VWA3A: variants seen among roughly 807,000 people sequenced by gnomAD.
VWA3A encodes the protein von Willebrand factor A domain-containing protein 3A.
Under a neutral mutation model 160.4 loss-of-function variants are expected in VWA3A, and 134 were observed. The observed-to-expected ratio is 0.84, with a 90% CI of 0.73 to 0.96. The LOEUF (loss-of-function observed/expected upper bound fraction) is 0.96. VWA3A is among the 40% of genes least tolerant of loss of function. The pLI, the probability that VWA3A is intolerant of heterozygous loss-of-function variation, is 0.00. For missense variants in VWA3A, 1,310 were observed against 1,447.9 expected (o/e 0.90, Z 1.55); for synonymous variants, 476 against 543.4 (o/e 0.88, Z 1.72).
chr16:22,146,333 G>A lies in VWA3A; in HGVS notation c.2828G>A (p.Trp943Ter). The change falls in exon 27 of 34, where the codon TGG (tryptophan) becomes TAG (stop). Residue 943 changes from tryptophan to a stop codon, truncating the protein, a stop_gained. Coordinates refer to ENST00000389398, the MANE Select transcript of VWA3A (RefSeq NM_173615.5). LOFTEE classifies it high-confidence loss of function. ...AGGCGCTATGTCCAGAGGCTGCAGT[G>A]GCTGCTGTCCGGTGAGCCTGCCCAC... is the stretch of plus-strand genomic sequence containing the variant. Reference protein sequence around the residue: ...VLRRYVQRLQWLLSGSRRLFG... With the variant: ...VLRRYVQRLQ 1 of 1,613,114 alleles carries A rather than the reference G, an allele frequency of 6.2e-7. No individual in the cohort carries two copies. The highest frequency in any genetic ancestry group is 2.2e-5 in the East Asian group (1 of 44,864).
intron 3 of VWA3A, among the ~76,000 whole-genome samples, chr16:22,098,734 G>C (rs751539964): frequency 1.1e-4 from 17 of 151,954 alleles, no homozygotes; most frequent in Non-Finnish European, 2.5e-4. Flanking sequence ...CCTAAAACAT[G>C]ACATCATTTG....
chr16:22,136,875 ACACACACACACACACACACG>A (rs1337042161), intron 21 of VWA3A, among the ~76,000 whole-genome samples: 1 of 104,368 alleles, frequency 9.6e-6, no homozygotes, highest in Non-Finnish European at 1.7e-5. Context: ...TACTAAAAAT[ACACACACACACACACACACG>A]CACACACACA....
At chr16:22,143,814 C>T (rs558698688) in intron 25 of VWA3A, among the ~76,000 whole-genome samples, 3 of 150,416 alleles carry the variant, frequency 2.0e-5, no homozygotes, top group Non-Finnish European at 4.4e-5. Flanking sequence ...GTAGCACTAT[C>T]ACTGCAACCT....
intron 17 of VWA3A, among the ~76,000 whole-genome samples, chr16:22,126,966 A>G (rs1445845568): frequency 6.7e-6 from 1 of 149,968 alleles, no homozygotes; most frequent in Admixed American, 6.7e-5. Flanking sequence ...AGAGGTTTTG[A>G]AGATTTGAAC....
Position 22,097,691 on chromosome 16 carries a change from T to TA in VWA3A, c.222dup (p.Leu75ThrfsTer7), listed in dbSNP as rs2045347629. On this transcript the variant is annotated frameshift_variant, in exon 3 of 34. Coordinates refer to ENST00000389398, the MANE Select transcript of VWA3A (RefSeq NM_173615.5). LOFTEE classifies it high-confidence loss of function. ...ACACATGTTAACCAGACACAGGACT[T>TA]ACTGGTAAAGACCATGGCACTTTAA... 4.5e-6 allele frequency: 7 copies of TA among 1,551,482 alleles called. No individual in the cohort carries two copies. Among genetic ancestry groups the TA allele is most frequent in the Non-Finnish European group, 5.2e-6 (6 of 1,146,930 alleles).
chr16:22,124,213 C>G (rs1359068771), intron 16 of VWA3A, among the ~76,000 whole-genome samples: 1 of 115,720 alleles, frequency 8.6e-6, no homozygotes, highest in East Asian at 3.4e-4. Flanking sequence ...AAAAAAAAAT[C>G]ACACCTCCTC....
chr16:22,142,576 C>A, intron 24 of VWA3A, 92 bp from the exon 25 acceptor site: 1 of 930,398 alleles, frequency 1.1e-6, no homozygotes, highest in South Asian at 1.4e-5. Context: ...TCCCATTAAG[C>A]CCCATCTCCA....
chr16:22,147,619 G>A, intron 27 of VWA3A: 3 of 703,258 alleles, frequency 4.3e-6, no homozygotes, highest in South Asian at 1.5e-5. Context: ...ATGGACAGGG[G>A]CGTCATGATG....
At chr16:22,110,848 C>T in intron 7 of VWA3A, 40 bp from the exon 8 acceptor site, 1 of 1,557,882 alleles carries the variant, frequency 6.4e-7, no homozygotes, top group Non-Finnish European at 8.7e-7. Context: ...CTCCCGATTC[C>T]CCTGGCTGTG....
At chr16:22,123,319 C>G (rs1053045915) in intron 15 of VWA3A, among the ~76,000 whole-genome samples, 154 bp downstream of exon 15, 5 of 151,766 alleles carry the variant, frequency 3.3e-5, no homozygotes, top group African/African-American at 1.2e-4. Context: ...GAAGCTTTGG[C>G]CATCTCCTCC....
chr16:22,132,735 T>G, intron 19 of VWA3A, 165 bp from the exon 20 acceptor site: 4 of 652,566 alleles, frequency 6.1e-6, no homozygotes, highest in South Asian at 2.2e-5. Context: ...TGTTAAAATA[T>G]TGAGAGAAAC....
chr16:22,140,553 C>T (rs1240789737), intron 23 of VWA3A, among the ~76,000 whole-genome samples: 1 of 151,666 alleles, frequency 6.6e-6, no homozygotes, highest in Non-Finnish European at 1.5e-5. Context: ...CTGCAGTGAG[C>T]TATCATTGCA....
rs563709593 is a variant in VWA3A, at chr16:22,109,336, T to C, written c.484-146T>C. 11 of 670,652 alleles carry C rather than the reference T, an allele frequency of 1.6e-5. No homozygotes were observed. In the South Asian group the frequency reaches 2.0e-4, roughly 12 times the overall value. The allele number at this position is 670,652 out of a possible 1,614,324, so 41.5% of individuals were successfully genotyped here. ...CTGAAGTCATGACATTGGGTTTTGCTTTTCCCTTATAAAATGAGGTTTCCA... is the reference window on the plus strand; with the variant it reads ...CTGAAGTCATGACATTGGGTTTTGCCTTTCCCTTATAAAATGAGGTTTCCA... On this transcript the variant is annotated intron_variant, in intron 6 of 33. Transcript: ENST00000389398.
Position 22,094,218 on chromosome 16 carries a change from G to A in VWA3A, c.14+1567G>A, listed in dbSNP as rs182999269. On this transcript the variant is annotated intron_variant, in intron 1 of 33. Transcript: ENST00000389398. Reference sequence around the variant, plus strand: ...GCTGTTAATCACTGGCTGGAAAGAGGGAAGTGAGACACTATGGGGCGGCCA... The same window carrying A: ...GCTGTTAATCACTGGCTGGAAAGAGAGAAGTGAGACACTATGGGGCGGCCA... Among the ~76,000 whole-genome samples the A allele has an allele frequency of 4.9e-3, 750 of 152,238 alleles. 2 individuals carry two copies. The highest frequency in any genetic ancestry group is 7.2e-3 in the Non-Finnish European group (489 of 68,014).
intron 15 of VWA3A, chr16:22,123,405 A>G: frequency 6.7e-7 from 1 of 1,495,372 alleles, no homozygotes; most frequent in Non-Finnish European, 9.0e-7. Context: ...TTCCTTCCCC[A>G]TTTGATGCAA....
intron 14 of VWA3A, 38 bp downstream of exon 14, chr16:22,121,655 G>C: frequency 6.6e-7 from 1 of 1,521,922 alleles, no homozygotes; most frequent in African/African-American, 1.4e-5. Context: ...TCCTCCACAG[G>C]AGAGCTCCCT....
chr16:22,114,328 C>T (rs2045599877), intron 8 of VWA3A, among the ~76,000 whole-genome samples: 1 of 152,180 alleles, frequency 6.6e-6, no homozygotes, highest in Non-Finnish European at 1.5e-5. Context: ...GTTGTGTGTA[C>T]CCCAACCCAT....
At chr16:22,140,778 C>T (rs967729603) in intron 23 of VWA3A, among the ~76,000 whole-genome samples, 3 of 151,174 alleles carry the variant, frequency 2.0e-5, no homozygotes, top group Non-Finnish European at 3.0e-5. Flanking sequence ...GCCTGGCTAA[C>T]TTTTTGTATT....
intron 28 of VWA3A, among the ~76,000 whole-genome samples, chr16:22,148,902 T>G (rs1234152675): frequency 6.6e-6 from 1 of 152,236 alleles, no homozygotes; most frequent in Non-Finnish European, 1.5e-5. Context: ...AATTATTTAA[T>G]GATTTAATTT....
Sources: gnomAD v4.1 joint callset for allele counts (sites outside exome capture counted in the v4.1 genomes callset) on GRCh38, gnomAD v4.1.1 for gene constraint, MANE v1.5 for transcripts, NCBI Gene and HGNC (gene_info 2026-07-23, HGNC 2026-07-21) for gene names.